The following PHLPP1 variants were observed in gnomAD, a reference collection of about 807,000 sequenced individuals.
PHLPP1 encodes PH domain leucine-rich repeat-containing protein phosphatase 1.
Under a neutral mutation model 117.2 loss-of-function variants are expected in PHLPP1, and 42 were observed. The ratio of observed to expected loss-of-function variants is 0.36; its 90% confidence interval spans 0.28 to 0.46. PHLPP1 has a LOEUF of 0.46. Among genes scored for constraint, PHLPP1 ranks in the 20% least tolerant of loss-of-function variants. The pLI is 1.00. For missense variants in PHLPP1, 2,084 were observed against 2,241.9 expected (o/e 0.93, Z 1.42); for synonymous variants, 1,042 against 970.7 (o/e 1.07, Z -1.37).
chr18:62,949,648 C>T (rs1910397914), intron 12 of PHLPP1, among the ~76,000 whole-genome samples: 1 of 152,198 alleles, frequency 6.6e-6, no homozygotes, highest in African/African-American at 2.4e-5. Flanking sequence ...ATCTTTCAAA[C>T]CCCTACCACC....
intron 1 of PHLPP1, among the ~76,000 whole-genome samples, chr18:62,824,685 TAGAA>T (rs1241090726): frequency 1.3e-5 from 2 of 152,182 alleles, no homozygotes; most frequent in Non-Finnish European, 2.9e-5. Flanking sequence ...GTTTCTATCA[TAGAA>T]AGCATTTTGC....
intron 4 of PHLPP1, among the ~76,000 whole-genome samples, chr18:62,874,167 A>G (rs1244447957): frequency 1.4e-5 from 2 of 148,042 alleles, no homozygotes; most frequent in Admixed American, 1.3e-4. Context: ...CTGAGCAATC[A>G]GAACGAAACT....
At chr18:62,846,761 T>C (rs1476280385) in intron 3 of PHLPP1, among the ~76,000 whole-genome samples, 1 of 152,188 alleles carries the variant, frequency 6.6e-6, no homozygotes, top group African/African-American at 2.4e-5. Context: ...GAACTTCTTC[T>C]TTGAATTTAG....
chr18:62,828,525 G>A (rs1914670596), intron 1 of PHLPP1, among the ~76,000 whole-genome samples: 1 of 152,180 alleles, frequency 6.6e-6, no homozygotes, highest in Admixed American at 6.5e-5. Context: ...AAATTTTGTA[G>A]TGTGAAGTAT....
intron 9 of PHLPP1, among the ~76,000 whole-genome samples, chr18:62,918,853 CA>C (rs954287079): frequency 0.019 from 2,541 of 134,672 alleles, 68 homozygotes; most frequent in African/African-American, 0.061. Context: ...GTTCTCATCA[CA>C]AAAAAAAAAA....
rs370470205 is a variant in PHLPP1 at position 62,978,690 on chromosome 18, C to T, written c.4413C>T (p.Ser1471=). ...GGCTGGGCGTGCCGTCCTCCAGCAGCGGCATGGCTTCCGAGATTAGCAGTG... is the reference window on the plus strand; with the variant it reads ...GGCTGGGCGTGCCGTCCTCCAGCAGTGGCATGGCTTCCGAGATTAGCAGTG... ...SDGLGVPSSS[S]GMASEISSEL... The change falls in exon 17 of 17, where the codon AGC becomes AGT. Residue 1471 remains serine, a synonymous_variant. Transcript: ENST00000262719. This position sits in a 1 kb window ranked among gnomAD's most constrained non-coding sequence, Gnocchi z 7.0. 61 of 1,613,708 alleles carry T rather than the reference C, an allele frequency of 3.8e-5. No homozygotes were observed. Among genetic ancestry groups the T allele is most frequent in the Non-Finnish European group, 4.7e-5 (56 of 1,179,844 alleles).
chr18:62,974,464 G>T (rs1911133422), intron 15 of PHLPP1, among the ~76,000 whole-genome samples: 1 of 152,164 alleles, frequency 6.6e-6, no homozygotes, highest in African/African-American at 2.4e-5. Flanking sequence ...CAGTACCTGA[G>T]GGTCTGCCCT....
chr18:62,915,100 A>G, intron 9 of PHLPP1, 92 bp downstream of exon 9: 1 of 895,232 alleles, frequency 1.1e-6, no homozygotes, highest in South Asian at 1.6e-5. Flanking sequence ...TCATAAGCCT[A>G]AAAGAGTTTG....
In PHLPP1 at chr18:62,958,700, G is replaced by C; in HGVS notation, c.3396G>C (p.Glu1132Asp). 1 of 1,613,968 alleles carries C rather than the reference G, an allele frequency of 6.2e-7. No homozygotes were observed. Among genetic ancestry groups the C allele is most frequent in the East Asian group, 2.2e-5 (1 of 44,882 alleles). The change falls in exon 13 of 17, where the codon GAG (glutamate) becomes GAC (aspartate). Residue 1132 changes from glutamate (E) to aspartate (D), a missense_variant. Glu to Asp is a conservative substitution (Grantham distance 45). Transcript: ENST00000262719. ...AAAACCTGCCTCCCAAACTGCAGGAGCTAGACCTGACTGGAAACCCGCGCC... is the reference window on the plus strand; with the variant it reads ...AAAACCTGCCTCCCAAACTGCAGGACCTAGACCTGACTGGAAACCCGCGCC... ...LPENLPPKLQELDLTGNPRLV... is the reference protein window; with the variant it reads ...LPENLPPKLQDLDLTGNPRLV...
chr18:62,808,268 C>T (rs953551132), intron 1 of PHLPP1, among the ~76,000 whole-genome samples: 1 of 151,806 alleles, frequency 6.6e-6, no homozygotes, highest in Non-Finnish European at 1.5e-5. Flanking sequence ...GGACAGATGA[C>T]CATAGGAAAC....
chr18:62,726,604 T>TA (rs1555666250), intron 1 of PHLPP1, among the ~76,000 whole-genome samples: 4 of 146,432 alleles, frequency 2.7e-5, no homozygotes, highest in East Asian at 2.0e-4. Context: ...TTTTTTTTTT[T>TA]ATGGAGTCTT....
At chr18:62,925,678 A>G (rs17070418) in intron 10 of PHLPP1, among the ~76,000 whole-genome samples, 7,702 of 152,136 alleles carry the variant, frequency 0.051, 740 homozygotes, top group African/African-American at 0.17. Flanking sequence ...GACGAGGGCT[A>G]TCTTTTGACA....
chr18:62,785,348 G>C (rs1913249590), intron 1 of PHLPP1, among the ~76,000 whole-genome samples: 1 of 152,178 alleles, frequency 6.6e-6, no homozygotes, highest in Admixed American at 6.5e-5. Flanking sequence ...AAAGGAGAGA[G>C]TACTGTTTAT....
At chr18:62,815,878 A>T (rs527442651) in intron 1 of PHLPP1, among the ~76,000 whole-genome samples, 2 of 152,332 alleles carry the variant, frequency 1.3e-5, no homozygotes, top group South Asian at 4.1e-4. Context: ...GAATGAATAC[A>T]TATTGTATTT....
chr18:62,811,744 G>T (rs983520284), intron 1 of PHLPP1, among the ~76,000 whole-genome samples: 1 of 152,070 alleles, frequency 6.6e-6, no homozygotes, highest in South Asian at 2.1e-4. Context: ...TTTTTAAAGA[G>T]ATTCCTAATA....
chr18:62,945,149 A>T lies in PHLPP1; in HGVS notation c.3202A>T (p.Ser1068Cys), dbSNP rs1438709619. ...KLEELEEIDL[S>C]GNKLKAIPTT... ...GGAGGAACTTGAAGAAATTGATCTC[A>T]GTGGGAATAAGCTGAAAGCCATCCC... Residue 1068 changes from serine (S) to cysteine (C), a missense_variant, in exon 12 of 17, where the codon AGT becomes TGT. Around this residue, in one of 2 missense-constraint regions of PHLPP1, gnomAD observed 1,365 missense variants for 1,605.9 expected, o/e 0.85. Coordinates refer to ENST00000262719, the MANE Select transcript of PHLPP1 (RefSeq NM_194449.4). The T allele has an allele frequency of 6.2e-7, 1 of 1,609,922 alleles. No homozygotes were observed. Among genetic ancestry groups the T allele is most frequent in the African/African-American group, 1.3e-5 (1 of 74,798 alleles).
chr18:62,912,512 C>G lies in PHLPP1; in HGVS notation c.2709-2401C>G, dbSNP rs150857868. On this transcript the variant is annotated intron_variant, in intron 8 of 16. Coordinates refer to ENST00000262719, the MANE Select transcript of PHLPP1 (RefSeq NM_194449.4). ...TTTCCCCACCCACTCCTCCCACCCC[C>G]CAGCAACCCCAAATGTTATTTTCAC... Among the ~76,000 whole-genome samples the G allele has an allele frequency of 8.9e-3, 1,354 of 152,128 alleles. 9 individuals carry two copies. The highest frequency in any genetic ancestry group is 0.014 in the Non-Finnish European group (919 of 67,964).
chr18:62,749,691 G>T (rs1178201165), intron 1 of PHLPP1, among the ~76,000 whole-genome samples: 2 of 152,126 alleles, frequency 1.3e-5, no homozygotes, highest in Non-Finnish European at 2.9e-5. Flanking sequence ...CACATCTCTG[G>T]TGTCTCTTGT....
intron 4 of PHLPP1, among the ~76,000 whole-genome samples, chr18:62,885,207 C>G (rs1299536550): frequency 2.0e-5 from 3 of 152,176 alleles, no homozygotes; most frequent in Non-Finnish European, 2.9e-5. Flanking sequence ...TTGTTTCTTT[C>G]TTTCAACTTT....
Sources: allele counts gnomAD v4.1 joint callset (sites outside exome capture counted in the v4.1 genomes callset), GRCh38; gene constraint gnomAD v4.1.1; regional missense constraint gnomAD v4.1.1; non-coding constraint Gnocchi (gnomAD v3.1); transcripts MANE v1.5; gene names NCBI Gene and HGNC (gene_info 2026-07-23, HGNC 2026-07-21).